The following LINGO2 variants were observed in gnomAD, a reference collection of about 807,000 sequenced individuals.
LINGO2 encodes the protein leucine-rich repeat and immunoglobulin-like domain-containing nogo receptor-interacting protein 2.
LINGO2 carries 14 observed loss-of-function variants against 30.6 expected under a neutral mutation model. The observed-to-expected ratio is 0.46, with a 90% confidence interval of 0.30 to 0.72. The LOEUF (loss-of-function observed/expected upper bound fraction) is 0.72, where lower values mean the gene tolerates loss of function less well. LINGO2 is among the 30% of genes least tolerant of loss of function. The probability of loss-of-function intolerance (pLI) is 0.07; values close to 1 mark genes in which losing one functional copy is unlikely to be tolerated. For synonymous variants in LINGO2, 317 were observed against 288.5 expected (o/e 1.10, Z -1.00); for missense variants, 729 against 751.7 (o/e 0.97, Z 0.35).
At chr9:29,201,068 G>C in the LINGO2 span, among the ~76,000 whole-genome samples, 27 of 152,058 alleles carry the variant, frequency 1.8e-4, no homozygotes, top group Non-Finnish European at 1.8e-4. Context: ...TGTTTGTCTG[G>C]TTTCTGCATT....
chr9:28,877,989 T>C, the LINGO2 span, among the ~76,000 whole-genome samples: 1 of 152,138 alleles, frequency 6.6e-6, no homozygotes, highest in Admixed American at 6.6e-5. Flanking sequence ...GTTGGATTCC[T>C]AGGTATTTTA....
chr9:28,052,490 A>G (rs1273354545), intron 4 of LINGO2, among the ~76,000 whole-genome samples: 5 of 152,076 alleles, frequency 3.3e-5, no homozygotes, highest in Admixed American at 6.6e-5. Flanking sequence ...ATCATTTCCC[A>G]GAGGTATACC....
At chr9:28,793,732 C>A in the LINGO2 span, among the ~76,000 whole-genome samples, 1 of 152,158 alleles carries the variant, frequency 6.6e-6, no homozygotes, top group African/African-American at 2.4e-5. Context: ...TATGTCTTTT[C>A]TATTCAAAGT....
At chr9:28,011,647 T>A (rs10968280) in intron 5 of LINGO2, among the ~76,000 whole-genome samples, 14,917 of 152,196 alleles carry the variant, frequency 0.098, 731 homozygotes, top group Middle Eastern at 0.11. Context: ...GATGGAATTG[T>A]ATTTGATATA....
At chr9:28,070,177 A>G (rs1470494021) in intron 4 of LINGO2, among the ~76,000 whole-genome samples, 1 of 152,286 alleles carries the variant, frequency 6.6e-6, no homozygotes, top group East Asian at 1.9e-4. Flanking sequence ...CATTTCTACC[A>G]GCCATGTTAT....
intron 2 of LINGO2, among the ~76,000 whole-genome samples, chr9:28,387,596 G>T (rs143237250): frequency 1.3e-5 from 2 of 152,136 alleles, no homozygotes; most frequent in African/African-American, 2.4e-5. Flanking sequence ...CACTCACTAC[G>T]AAGGTCTGCA....
the LINGO2 span, among the ~76,000 whole-genome samples, chr9:28,802,321 A>G: frequency 1.1e-4 from 16 of 152,150 alleles, no homozygotes; most frequent in East Asian, 3.1e-3. Flanking sequence ...AATGTCATCT[A>G]AAAGAAAAGT....
At chr9:28,031,678 T>C (rs1823679122) in intron 4 of LINGO2, among the ~76,000 whole-genome samples, 1 of 152,218 alleles carries the variant, frequency 6.6e-6, no homozygotes, top group African/African-American at 2.4e-5. Flanking sequence ...TGATCTGCTC[T>C]GTCTGTGTCG....
Position 28,018,074 on chromosome 9 carries a change from C to A in LINGO2, c.-86-5669G>T, listed in dbSNP as rs183659258. The stretch of plus-strand genomic sequence containing the variant: ...TGCCATATGCCTACAATCATCTGAC[C>A]TTTGACAAAGTCAACAAAAGCAAGC... On this transcript the variant is annotated intron_variant, in intron 4 of 5. Transcript: ENST00000379992. Among the ~76,000 whole-genome samples the A allele has an allele frequency of 1.1e-4, 16 of 152,162 alleles. No homozygotes were observed. In the East Asian group the frequency reaches 2.3e-3, roughly 22 times the overall value.
the LINGO2 span, among the ~76,000 whole-genome samples, chr9:28,905,797 C>T: frequency 3.8e-3 from 582 of 152,136 alleles, 4 homozygotes; most frequent in Non-Finnish European, 5.8e-3. Flanking sequence ...ATCCAGCAAT[C>T]CCACTTTTGG....
chr9:28,499,558 C>T (rs1003540536), intron 1 of LINGO2, among the ~76,000 whole-genome samples: 2 of 152,158 alleles, frequency 1.3e-5, no homozygotes, highest in Non-Finnish European at 2.9e-5. Flanking sequence ...ACCCAGACTT[C>T]CCATTTGACA....
intron 1 of LINGO2, among the ~76,000 whole-genome samples, chr9:28,581,112 G>T (rs1490112246): frequency 6.6e-6 from 1 of 151,924 alleles, no homozygotes; most frequent in Non-Finnish European, 1.5e-5. Context: ...AAGAAATTCA[G>T]GCTGTTGACA....
At chr9:28,771,515 G>A in the LINGO2 span, among the ~76,000 whole-genome samples, 1 of 150,188 alleles carries the variant, frequency 6.7e-6, no homozygotes, top group Non-Finnish European at 1.5e-5. Flanking sequence ...GTGAGAGAGA[G>A]AGAGAGATTC....
At chr9:28,437,567 ACAC>A (rs1587673878) in intron 2 of LINGO2, among the ~76,000 whole-genome samples, 1 of 149,048 alleles carries the variant, frequency 6.7e-6, no homozygotes, top group East Asian at 1.9e-4. Flanking sequence ...ACACACACAC[ACAC>A]ACACACAGAC....
the LINGO2 span, among the ~76,000 whole-genome samples, chr9:29,157,607 CTATTTTACTTTCAAAGA>C: frequency 6.6e-6 from 1 of 152,122 alleles, no homozygotes; most frequent in Non-Finnish European, 1.5e-5. Context: ...TAAAAAAACT[CTATTTTACTTTCAAAGA>C]TATAAGTGGA....
intron 4 of LINGO2, among the ~76,000 whole-genome samples, chr9:28,026,528 TAA>T (rs1242155865): frequency 6.6e-6 from 1 of 152,176 alleles, no homozygotes; most frequent in Non-Finnish European, 1.5e-5. Flanking sequence ...CATAATAATG[TAA>T]AGTCTTTTCA....
At chr9:28,747,296 CA>C in the LINGO2 span, among the ~76,000 whole-genome samples, 2 of 151,946 alleles carry the variant, frequency 1.3e-5, no homozygotes, top group African/African-American at 4.8e-5. Flanking sequence ...AGCCCAACTC[CA>C]GGGGAAGATC....
chr9:28,282,702 C>T (rs752742183), intron 4 of LINGO2, among the ~76,000 whole-genome samples: 5 of 151,998 alleles, frequency 3.3e-5, no homozygotes, highest in African/African-American at 9.7e-5. Context: ...GTTCAGGAAT[C>T]GGGTGGGAGA....
intron 1 of LINGO2, among the ~76,000 whole-genome samples, chr9:28,648,451 T>C (rs1827940132): frequency 1.3e-5 from 2 of 152,150 alleles, no homozygotes; most frequent in South Asian, 4.1e-4. Context: ...GCACTTAATA[T>C]AGTCCAGTGA....
Sources: allele counts gnomAD v4.1 joint callset (sites outside exome capture counted in the v4.1 genomes callset), GRCh38; gene constraint gnomAD v4.1.1; transcripts MANE v1.5; gene names NCBI Gene and HGNC (gene_info 2026-07-23, HGNC 2026-07-21).